Variants in TEKT5 observed in about 807,000 individuals in gnomAD.
TEKT5 encodes tektin 5, also known as tektin-5.
TEKT5 carries 52 observed loss-of-function variants against 48.7 expected under a neutral mutation model. That is an observed-to-expected ratio of 1.07 (90% CI 0.86 to 1.35). The LOEUF (loss-of-function observed/expected upper bound fraction) is 1.35, where lower values mean the gene tolerates loss of function less well. Ranked by LOEUF, TEKT5 falls within the 40% of genes most tolerant of loss-of-function variation. TEKT5 has a pLI of 0.00. For synonymous variants in TEKT5, 318 were observed against 267.6 expected, an observed-to-expected ratio of 1.19 and a Z score of -1.84; for missense variants, 831 against 641.6, an observed-to-expected ratio of 1.30 and a Z score of -3.19.
At chr16:10,647,010 C>T (rs191871277) in intron 5 of TEKT5, among the ~76,000 whole-genome samples, 14 of 152,254 alleles carry the variant, frequency 9.2e-5, no homozygotes, top group African/African-American at 2.4e-4. Context: ...TTCAGCCCAG[C>T]GCAGAAGAAA....
chr16:10,689,268 A>C lies in TEKT5; in HGVS notation c.704T>G (p.Ile235Ser), dbSNP rs1898921339. ...QEQMRKLAQR[I>S]DIQMRDNRDA... Reference sequence around the variant, plus strand: ...AAGCCCTTACCGCATCTGGATATCAATTCTTTGAGCTAATTTTCTCATCTG... The same window carrying C: ...AAGCCCTTACCGCATCTGGATATCACTTCTTTGAGCTAATTTTCTCATCTG... Residue 235 changes from isoleucine to serine, a missense_variant, in exon 3 of 7, where the codon ATT (isoleucine) becomes AGT (serine). By Grantham distance (142) the Ile-to-Ser change is moderately radical. Transcript: ENST00000283025. 1 of 1,610,108 alleles carries C rather than the reference A, an allele frequency of 6.2e-7. No individual in the cohort carries two copies.
intron 5 of TEKT5, among the ~76,000 whole-genome samples, chr16:10,640,208 T>A (rs1487135676): frequency 6.8e-6 from 1 of 146,044 alleles, no homozygotes; most frequent in Non-Finnish European, 1.5e-5. Context: ...AGTGGCAGGA[T>A]CATGGCTCAC....
intron 6 of TEKT5, among the ~76,000 whole-genome samples, chr16:10,629,337 G>A (rs189947042): frequency 3.3e-5 from 5 of 151,444 alleles, no homozygotes; most frequent in African/African-American, 1.2e-4. Context: ...GGCAACCTCT[G>A]CCTCCCGGGT....
At chr16:10,653,655 G>T (rs938190706) in intron 5 of TEKT5, among the ~76,000 whole-genome samples, 1 of 152,216 alleles carries the variant, frequency 6.6e-6, no homozygotes, top group Admixed American at 6.5e-5. Context: ...GCCTACGCTT[G>T]TAATCCAAAC....
intron 3 of TEKT5, among the ~76,000 whole-genome samples, chr16:10,683,550 G>C (rs953413990): frequency 6.6e-6 from 1 of 152,156 alleles, no homozygotes; most frequent in African/African-American, 2.4e-5. Context: ...TACCAAACTC[G>C]ACTATTTACT....
intron 3 of TEKT5, among the ~76,000 whole-genome samples, chr16:10,684,389 C>T (rs551742531): frequency 4.0e-5 from 6 of 151,648 alleles, no homozygotes; most frequent in Admixed American, 3.9e-4. Context: ...CCTCCCTCCC[C>T]TCCATCTTTT....
chr16:10,678,289 G>T (rs1323345120), intron 4 of TEKT5, among the ~76,000 whole-genome samples: 1 of 152,082 alleles, frequency 6.6e-6, no homozygotes, highest in Non-Finnish European at 1.5e-5. Flanking sequence ...TGTAGAGACG[G>T]GGTTTCACCA....
chr16:10,690,537 G>C lies in TEKT5; in HGVS notation c.565-512C>G, dbSNP rs1385168394. 3 of 978,294 alleles carry C rather than the reference G, an allele frequency of 3.1e-6. No individual in the cohort carries two copies. The African/African-American group carries it at 5.3e-5, about 17-fold the overall frequency. The allele number at this position is 978,294 out of a possible 1,614,324, so 60.6% of individuals were successfully genotyped here. On this transcript the variant is annotated intron_variant, in intron 1 of 6. Coordinates refer to ENST00000283025, the MANE Select transcript of TEKT5 (RefSeq NM_144674.2). The stretch of plus-strand genomic sequence containing the variant: ...TTGGTGCCTATCTCACAGGTTCATT[G>C]TGCAGGTGAAGTCGGCTTGACAAGT...
At chr16:10,666,245 C>T (rs1010318798) in intron 5 of TEKT5, among the ~76,000 whole-genome samples, 1 of 152,100 alleles carries the variant, frequency 6.6e-6, no homozygotes, top group Non-Finnish European at 1.5e-5. Context: ...GGGCAATTGG[C>T]CTGTTCAGGC....
intron 3 of TEKT5, 28 bp downstream of exon 3, chr16:10,689,225 G>T: frequency 6.4e-7 from 1 of 1,568,972 alleles, no homozygotes. Context: ...CCCAAGGAGA[G>T]GGAATTAAAA....
chr16:10,628,049 C>G (rs1423544437), intron 6 of TEKT5, among the ~76,000 whole-genome samples: 1 of 151,904 alleles, frequency 6.6e-6, no homozygotes, highest in Admixed American at 6.6e-5. Context: ...TTTCACCATG[C>G]TGGTCAAGCT....
intron 5 of TEKT5, among the ~76,000 whole-genome samples, chr16:10,653,367 G>A (rs560705785): frequency 7.9e-5 from 12 of 152,338 alleles, no homozygotes; most frequent in African/African-American, 2.9e-4. Context: ...CAGTGGAGAT[G>A]AGGCAAGACT....
intron 5 of TEKT5, 46 bp from the exon 6 acceptor site, chr16:10,635,964 C>T (rs970606217): frequency 1.4e-5 from 23 of 1,603,890 alleles, no homozygotes; most frequent in African/African-American, 2.7e-5. Context: ...GCCCTTCTGA[C>T]CTCCTCTGAC....
rs550563446 is a variant in TEKT5 at position 10,648,980 on chromosome 16, C to T, written c.1087-13062G>A. Among the ~76,000 whole-genome samples the T allele has an allele frequency of 5.9e-5, 9 of 152,228 alleles. No homozygotes were observed. The South Asian group carries it at 1.7e-3, about 28-fold the overall frequency. On this transcript the variant is annotated intron_variant, in intron 5 of 6. Coordinates refer to ENST00000283025, the MANE Select transcript of TEKT5 (RefSeq NM_144674.2). Reference sequence around the variant, plus strand: ...AATTTTATTTTTAGAGACAAGTTCTCTCTCTGTTGCCCAGGCTGGAGTGCA... The same window carrying T: ...AATTTTATTTTTAGAGACAAGTTCTTTCTCTGTTGCCCAGGCTGGAGTGCA...
chr16:10,672,858 GT>G (rs907219244), intron 5 of TEKT5, among the ~76,000 whole-genome samples: 58 of 139,310 alleles, frequency 4.2e-4, no homozygotes, highest in East Asian at 1.0e-3. Context: ...GTTTTTTTTT[GT>G]TTTTTTTTTT....
At chr16:10,659,511 C>G (rs1461192951) in intron 5 of TEKT5, among the ~76,000 whole-genome samples, 1 of 152,114 alleles carries the variant, frequency 6.6e-6, no homozygotes, top group Admixed American at 6.6e-5. Context: ...TCCCGAGTAG[C>G]TGGGACTACA....
At chr16:10,683,784 G>C (rs535215522) in intron 3 of TEKT5, among the ~76,000 whole-genome samples, 1 of 152,222 alleles carries the variant, frequency 6.6e-6, no homozygotes, top group South Asian at 2.1e-4. Context: ...GTAGAGATGG[G>C]GTTTCATCAT....
chr16:10,657,372 C>A (rs1391553897), intron 5 of TEKT5, among the ~76,000 whole-genome samples: 1 of 152,062 alleles, frequency 6.6e-6, no homozygotes, highest in Non-Finnish European at 1.5e-5. Flanking sequence ...AGGTGATGCA[C>A]CCGCCTTGGC....
At chr16:10,631,990 G>A (rs375578007) in intron 6 of TEKT5, among the ~76,000 whole-genome samples, 14 of 152,044 alleles carry the variant, frequency 9.2e-5, no homozygotes, top group African/African-American at 2.9e-4. Context: ...TTGGTTGTGG[G>A]ACTGTGCTGC....
Sources: gnomAD v4.1 joint callset for allele counts (sites outside exome capture counted in the v4.1 genomes callset) on GRCh38, gnomAD v4.1.1 for gene constraint, MANE v1.5 for transcripts, NCBI Gene and HGNC (gene_info 2026-07-23, HGNC 2026-07-21) for gene names.